SLC48A1: variants seen among roughly 807,000 people sequenced by gnomAD.
The protein encoded by SLC48A1 is heme transporter HRG1.
In SLC48A1, 6 loss-of-function variants were observed where a neutral mutation model predicts 14.8. The ratio of observed to expected loss-of-function variants is 0.41; its 90% CI spans 0.22 to 0.80. The LOEUF (loss-of-function observed/expected upper bound fraction) is 0.80, where lower values mean the gene tolerates loss of function less well. Ranked by LOEUF, SLC48A1 falls within the 30% of genes least tolerant of loss-of-function variation. The pLI is 0.34. For missense variants in SLC48A1, 165 were observed against 204.8 expected (o/e 0.81, Z 1.19); for synonymous variants, 89 against 90.0 (o/e 0.99, Z 0.06).
chr12:47,761,445 T>C (rs1322599276), intron 2 of SLC48A1, among the ~76,000 whole-genome samples: 4 of 152,242 alleles, frequency 2.6e-5, no homozygotes, highest in Non-Finnish European at 5.9e-5. Context: ...GGGGAGATCA[T>C]AGGGAGTAGA....
chr12:47,759,763 A>G (rs1942315643), intron 1 of SLC48A1, among the ~76,000 whole-genome samples: 1 of 152,240 alleles, frequency 6.6e-6, no homozygotes, highest in African/African-American at 2.4e-5. Flanking sequence ...CCCGTAATTC[A>G]GGACGATAAT....
chr12:47,761,077 A>C (rs998629917), intron 2 of SLC48A1, among the ~76,000 whole-genome samples: 4 of 152,010 alleles, frequency 2.6e-5, no homozygotes. Context: ...TGCGCCTGGA[A>C]TCCCAGCTAC....
At chr12:47,773,097 G>A, upstream of SLC48A1, 1 of 711,638 alleles carries the variant, frequency 1.4e-6, no homozygotes, top group Non-Finnish European at 1.7e-6. Context: ...CGGCAGCTTC[G>A]CAAAGCGGCG....
intron 1 of SLC48A1, chr12:47,778,809 G>A (rs1565782006): frequency 4.2e-6 from 2 of 472,782 alleles, no homozygotes; most frequent in Non-Finnish European, 7.4e-6. Flanking sequence ...GTAGGGTTTT[G>A]TATTTCTGCA....
At chr12:47,779,283 T>C in intron 2 of SLC48A1, 88 bp downstream of exon 2, 2 of 1,447,650 alleles carry the variant, frequency 1.4e-6, no homozygotes, top group Non-Finnish European at 1.8e-6. Context: ...ACAGGTTACC[T>C]CCAAAGAGAC....
At chr12:47,759,214 G>T in intron 1 of SLC48A1, 1 of 588,938 alleles carries the variant, frequency 1.7e-6, no homozygotes, top group Non-Finnish European at 2.1e-6. Context: ...ACCGGGGAGA[G>T]CGGGGAGGGG....
Position 47,779,011 on chromosome 12 carries a change from A to G in SLC48A1, c.137-17A>G, listed in dbSNP as rs1565782091. 1 of 1,550,516 alleles carries G rather than the reference A, an allele frequency of 6.4e-7. No individual in the cohort carries two copies. Among genetic ancestry groups the G allele is most frequent in the Admixed American group, 2.0e-5 (1 of 50,932 alleles). The stretch of plus-strand genomic sequence containing the variant: ...TGGAGCACCCTGGGGATGGGCCCTG[A>G]TGTGTCTCTCCTGCAGGGGTGCTGG... On this transcript the variant is annotated splice_polypyrimidine_tract_variant and intron_variant, in intron 1 of 2. Coordinates refer to ENST00000442218, the MANE Select transcript of SLC48A1 (RefSeq NM_017842.3).
At chr12:47,754,528 T>G (rs1372410929), upstream of SLC48A1, among the ~76,000 whole-genome samples, 2 of 152,196 alleles carry the variant, frequency 1.3e-5, no homozygotes, top group Non-Finnish European at 2.9e-5. Flanking sequence ...GAGCTCGTGC[T>G]GATTACTGAA....
At chr12:47,776,561 G>T (rs1942759506) in intron 1 of SLC48A1, among the ~76,000 whole-genome samples, 1 of 152,250 alleles carries the variant, frequency 6.6e-6, no homozygotes, top group Non-Finnish European at 1.5e-5. Flanking sequence ...GGGAGCCAGG[G>T]CGTGGGCAGC....
chr12:47,765,775 G>A lies in SLC48A1; in HGVS notation c.-187+5374G>A, dbSNP rs568881230. ...CTCCTCCAGGAGAATGTTAGCTGCC[G>A]GAGGGTGAGAGCTGCTCTGCTGTAC... On this transcript the variant is annotated intron_variant, in intron 2 of 4. Coordinates refer to the SLC48A1 transcript ENST00000547002. Among the ~76,000 whole-genome samples, 9 of 152,358 alleles carry A rather than the reference G, an allele frequency of 5.9e-5. No individual in the cohort carries two copies. The South Asian group carries it at 6.2e-4, about 11-fold the overall frequency.
At chr12:47,761,215 C>T (rs1270041833) in intron 2 of SLC48A1, among the ~76,000 whole-genome samples, 1 of 143,386 alleles carries the variant, frequency 7.0e-6, no homozygotes, top group East Asian at 2.0e-4. Flanking sequence ...AAAAAAAAGG[C>T]AGGGGGGAAA....
At chr12:47,758,161 A>G, upstream of SLC48A1, 4 of 1,493,284 alleles carry the variant, frequency 2.7e-6, no homozygotes, top group Non-Finnish European at 3.6e-6. Flanking sequence ...AGGCAGAACT[A>G]CTTCCTTAGA....
chr12:47,758,780 G>C (rs1942259157), intron 1 of SLC48A1: 1 of 1,231,204 alleles, frequency 8.1e-7, no homozygotes, highest in Non-Finnish European at 1.0e-6. Context: ...GGCGTGGTGG[G>C]GGGACGCCAC....
At chr12:47,758,422 G>A (rs1351012620), upstream of SLC48A1, 22 of 1,545,854 alleles carry the variant, frequency 1.4e-5, no homozygotes, top group East Asian at 3.0e-4. Context: ...ATGCAGCTTC[G>A]GCTTAAACCC....
At chr12:47,759,198 A>C in intron 1 of SLC48A1, 6 of 762,908 alleles carry the variant, frequency 7.9e-6, no homozygotes, top group Non-Finnish European at 9.6e-6. Context: ...AAATGCAAAC[A>C]AGGAAACCGG....
intron 1 of SLC48A1, among the ~76,000 whole-genome samples, chr12:47,775,860 A>C (rs1942741803): frequency 6.6e-6 from 1 of 152,134 alleles, no homozygotes; most frequent in Non-Finnish European, 1.5e-5. Flanking sequence ...GCTTTGGAGA[A>C]AGGCAGTGGC....
At chr12:47,773,677 A>G (rs989247051) in intron 1 of SLC48A1, among the ~76,000 whole-genome samples, 1 of 152,002 alleles carries the variant, frequency 6.6e-6, no homozygotes, top group African/African-American at 2.4e-5. Context: ...ACGGCCCGCC[A>G]CTGCCGGCTG....
chr12:47,774,323 A>C (rs535939534), intron 1 of SLC48A1, among the ~76,000 whole-genome samples: 1 of 152,378 alleles, frequency 6.6e-6, no homozygotes, highest in South Asian at 2.1e-4. Flanking sequence ...GTCAGGCACT[A>C]TGTTAAGCAA....
upstream of SLC48A1, chr12:47,758,246 G>A: frequency 7.0e-7 from 1 of 1,433,344 alleles, no homozygotes; most frequent in Admixed American, 2.8e-5. Context: ...GACCTTCACT[G>A]GGGCCTGCCG....
Sources: gnomAD v4.1 joint callset for allele counts (sites outside exome capture counted in the v4.1 genomes callset) on GRCh38, gnomAD v4.1.1 for gene constraint, MANE v1.5 for transcripts, NCBI Gene and HGNC (gene_info 2026-07-23, HGNC 2026-07-21) for gene names.